Variants in AUTS2 observed in about 807,000 individuals in gnomAD.
AUTS2 encodes the protein activator of transcription and developmental regulator AUTS2, also known as autism susceptibility gene 2 protein.
Under a neutral mutation model 112.4 loss-of-function variants are expected in AUTS2, and 17 were observed. The observed-to-expected ratio is 0.15, with a 90% CI of 0.10 to 0.23. The LOEUF is 0.23. Ranked by LOEUF, AUTS2 falls within the 10% of genes least tolerant of loss-of-function variation. The pLI is 1.00. For missense variants in AUTS2, 1,510 were observed against 1,701.6 expected (o/e 0.89, Z 1.98); for synonymous variants, 751 against 702.7 (o/e 1.07, Z -1.09).
In AUTS2 at chr7:69,996,202, C is replaced by CTGGA. The variant is rs781571822; in HGVS notation, c.522+96705_522+96708dup. 7.5e-4 allele frequency among the ~76,000 whole-genome samples: 115 copies of CTGGA among 152,322 alleles called. No homozygotes were observed. The East Asian group carries it at 0.013, about 17-fold the overall frequency. On this transcript the variant is annotated intron_variant, in intron 2 of 18. Coordinates refer to ENST00000342771, the MANE Select transcript of AUTS2 (RefSeq NM_015570.4). ...ATAAGAGGCAGTGCAGTTCGGAACC[C>CTGGA]TGGAACCCCCTTCATAAATTTGCAA...
At chr7:70,442,640 A>C (rs1355079829) in intron 5 of AUTS2, among the ~76,000 whole-genome samples, 1 of 151,988 alleles carries the variant, frequency 6.6e-6, no homozygotes, top group Non-Finnish European at 1.5e-5. Flanking sequence ...ACAGGCACCC[A>C]CCATGCCTGG....
At chr7:69,665,353 A>T (rs577176820) in intron 1 of AUTS2, among the ~76,000 whole-genome samples, 2 of 152,124 alleles carry the variant, frequency 1.3e-5, no homozygotes, top group Non-Finnish European at 2.9e-5. Flanking sequence ...ATGATGATAA[A>T]ACTCAGGCTG....
At chr7:69,758,446 T>C (rs1463445680) in intron 1 of AUTS2, among the ~76,000 whole-genome samples, 1 of 152,178 alleles carries the variant, frequency 6.6e-6, no homozygotes, top group Non-Finnish European at 1.5e-5. Flanking sequence ...TAGGCTACTC[T>C]CCTGCTTCCT....
At chr7:70,718,875 T>C (rs1375906496) in intron 6 of AUTS2, among the ~76,000 whole-genome samples, 3 of 152,138 alleles carry the variant, frequency 2.0e-5, no homozygotes, top group African/African-American at 4.8e-5. Context: ...CTGGACACTT[T>C]TGAGAGTGAA....
intron 5 of AUTS2, among the ~76,000 whole-genome samples, chr7:70,449,478 G>A (rs1796443648): frequency 1.3e-5 from 2 of 152,132 alleles, no homozygotes; most frequent in South Asian, 4.1e-4. Flanking sequence ...TTCTCTAGAG[G>A]TGCCTCTGTA....
At chr7:69,759,554 A>T (rs980237116) in intron 1 of AUTS2, among the ~76,000 whole-genome samples, 2 of 152,018 alleles carry the variant, frequency 1.3e-5, no homozygotes, top group Non-Finnish European at 2.9e-5. Context: ...TCATGAGCCA[A>T]TTGAGAAAAA....
intron 2 of AUTS2, among the ~76,000 whole-genome samples, chr7:69,946,390 C>G (rs1234815608): frequency 6.6e-6 from 1 of 152,082 alleles, no homozygotes; most frequent in Non-Finnish European, 1.5e-5. Flanking sequence ...CTGCCGTAGG[C>G]TTTATCAAAT....
chr7:70,003,378 AATAT>A (rs1379928695), intron 2 of AUTS2, among the ~76,000 whole-genome samples: 4 of 125,944 alleles, frequency 3.2e-5, no homozygotes, highest in Admixed American at 8.9e-5. Flanking sequence ...TATATATGTG[AATAT>A]ATATAACATA....
chr7:69,793,720 G>A (rs1343830208), intron 1 of AUTS2, among the ~76,000 whole-genome samples: 1 of 151,984 alleles, frequency 6.6e-6, no homozygotes, highest in Admixed American at 6.5e-5. Context: ...TCTGGAATTT[G>A]GACAGAGACA....
chr7:69,905,607 A>T (rs958017345), intron 2 of AUTS2, among the ~76,000 whole-genome samples: 1 of 152,078 alleles, frequency 6.6e-6, no homozygotes, highest in Admixed American at 6.5e-5. Context: ...TTTTTGTTTT[A>T]TCTGGACACC....
intron 3 of AUTS2, among the ~76,000 whole-genome samples, chr7:70,128,793 A>T (rs1281204753): frequency 1.3e-5 from 2 of 152,210 alleles, no homozygotes; most frequent in African/African-American, 4.8e-5. Context: ...GAAATTTAAC[A>T]TCAGTGTGTC....
chr7:69,767,560 C>G (rs1788482624), intron 1 of AUTS2, among the ~76,000 whole-genome samples: 1 of 152,206 alleles, frequency 6.6e-6, no homozygotes, highest in Non-Finnish European at 1.5e-5. Flanking sequence ...ACACTGATAT[C>G]TCAGTCATAT....
chr7:70,437,011 G>A (rs1003168157), intron 5 of AUTS2: 1 of 152,304 alleles, frequency 6.6e-6, no homozygotes, highest in African/African-American at 2.4e-5. Context: ...ATGTCCCCCA[G>A]ATAAGAACAG....
At chr7:70,133,186 G>T (rs1010147669) in intron 3 of AUTS2, among the ~76,000 whole-genome samples, 2 of 152,138 alleles carry the variant, frequency 1.3e-5, no homozygotes, top group Non-Finnish European at 2.9e-5. Flanking sequence ...TTTTGCTTTG[G>T]GAGCTGCATT....
At chr7:70,532,833 A>G (rs985900878) in intron 5 of AUTS2, among the ~76,000 whole-genome samples, 1 of 152,258 alleles carries the variant, frequency 6.6e-6, no homozygotes, top group Non-Finnish European at 1.5e-5. Context: ...AGGAAAGGGT[A>G]GAAAATTATT....
At chr7:69,967,543 T>G (rs767349490) in intron 2 of AUTS2, among the ~76,000 whole-genome samples, 2 of 152,098 alleles carry the variant, frequency 1.3e-5, no homozygotes, top group Non-Finnish European at 2.9e-5. Flanking sequence ...TGCAGGAACA[T>G]AAAGGGGAAG....
intron 1 of AUTS2, among the ~76,000 whole-genome samples, chr7:69,668,708 C>T (rs1446234192): frequency 6.6e-6 from 1 of 152,148 alleles, no homozygotes; most frequent in East Asian, 1.9e-4. Context: ...CCCTATGCTG[C>T]CCATCTTTCT....
intron 4 of AUTS2, among the ~76,000 whole-genome samples, chr7:70,365,172 C>G (rs1226884980): frequency 6.6e-6 from 1 of 152,162 alleles, no homozygotes; most frequent in Non-Finnish European, 1.5e-5. Flanking sequence ...GATTTTCTCC[C>G]CTAGTATCTT....
intron 15 of AUTS2, chr7:70,784,684 T>C (rs1198128224): frequency 3.9e-6 from 2 of 510,606 alleles, no homozygotes; most frequent in Non-Finnish European, 6.9e-6. Context: ...ATACCTGTTT[T>C]TGGTGGTGGC....
Sources: allele counts gnomAD v4.1 joint callset (sites outside exome capture counted in the v4.1 genomes callset), GRCh38; gene constraint gnomAD v4.1.1; transcripts MANE v1.5; gene names NCBI Gene and HGNC (gene_info 2026-07-23, HGNC 2026-07-21).